Variants in FRMPD3 observed in about 807,000 individuals in gnomAD.
FRMPD3 encodes FERM and PDZ domain-containing protein 3.
In FRMPD3, 42 loss-of-function variants were observed where a neutral mutation model predicts 97.9. The observed-to-expected ratio is 0.43, with a 90% CI of 0.34 to 0.55. The LOEUF is 0.55. Ranked by LOEUF, FRMPD3 falls within the 20% of genes least tolerant of loss-of-function variation. The probability of loss-of-function intolerance (pLI) is 0.03; values close to 1 mark genes in which losing one functional copy is unlikely to be tolerated. For missense variants in FRMPD3, 1,303 were observed against 1,457.7 expected (o/e 0.89, Z 1.73); for synonymous variants, 577 against 581.1 (o/e 0.99, Z 0.10).
At chrX:107,579,574 C>T (rs1923285081) in intron 13 of FRMPD3, among the ~76,000 whole-genome samples, 1 of 111,993 alleles carries the variant, frequency 8.9e-6, no homozygotes, top group Non-Finnish European at 1.9e-5. Context: ...AGGCTAATAA[C>T]GTAAGTACTT....
intron 1 of FRMPD3, among the ~76,000 whole-genome samples, chrX:107,500,927 G>A (rs1921890665): frequency 9.0e-6 from 1 of 110,875 alleles, no homozygotes; most frequent in Non-Finnish European, 1.9e-5. Flanking sequence ...CTATTAGGAT[G>A]ATTATTATTC....
At chrX:107,577,162 TAAAAAAAAAAAAA>T (rs1170985688) in intron 13 of FRMPD3, among the ~76,000 whole-genome samples, 4 of 32,071 alleles carry the variant, frequency 1.2e-4, no homozygotes, top group African/African-American at 1.9e-4. Context: ...CTGTCTCTAC[TAAAAAAAAAAAAA>T]AAAAAAAAAA....
intron 4 of FRMPD3, among the ~76,000 whole-genome samples, chrX:107,539,993 A>G (rs189700755): frequency 1.2e-4 from 13 of 112,110 alleles, no homozygotes; most frequent in Non-Finnish European, 2.3e-4. Flanking sequence ...AAGGATGGGG[A>G]CAGGGAGGAA....
chrX:107,453,152 C>T (rs1931319517), intron 1 of FRMPD3, among the ~76,000 whole-genome samples: 1 of 111,383 alleles, frequency 9.0e-6, no homozygotes, highest in African/African-American at 3.3e-5. Context: ...GTTTTTGTGG[C>T]ACCTCCAGGC....
rs769320212 is a variant in FRMPD3, at chrX:107,485,281, G to A, written c.-8+35276G>A. 4.5e-5 allele frequency among the ~76,000 whole-genome samples: 5 copies of A among 112,337 alleles called. No homozygotes were observed. The East Asian group carries it at 1.1e-3, about 25-fold the overall frequency. On this transcript the variant is annotated intron_variant, in intron 1 of 14. Transcript: ENST00000683843. ...TTCCTCAGGAAACTGATTTAGGACT[G>A]GGCGAGTCTTTGCAGGGACTGCAAA...
At chrX:107,467,373 A>G (rs1931590841) in intron 1 of FRMPD3, among the ~76,000 whole-genome samples, 1 of 111,074 alleles carries the variant, frequency 9.0e-6, no homozygotes, top group Non-Finnish European at 1.9e-5. Flanking sequence ...ACCTCCCCCC[A>G]CTGACCACGT....
rs1924429357 is a variant in FRMPD3, at chrX:107,600,284, C to T, written c.2264-19C>T. On this transcript the variant is annotated intron_variant, in intron 14 of 14. Transcript: ENST00000683843. ...CTTGATTTCAGTAAGCATAACAAGC[C>T]CTATCCCTGTTCCTCCAGGTCTGAT... 4 of 1,190,097 alleles carry T rather than the reference C, an allele frequency of 3.4e-6. No individual in the cohort carries two copies. The highest frequency in any genetic ancestry group is 4.5e-6 in the Non-Finnish European group (4 of 883,522).
At chrX:107,496,867 G>A (rs751712765) in intron 1 of FRMPD3, among the ~76,000 whole-genome samples, 4 of 112,529 alleles carry the variant, frequency 3.6e-5, no homozygotes, top group South Asian at 3.7e-4. Context: ...TTGCCAGTGG[G>A]CAAGAATGAT....
intron 4 of FRMPD3, among the ~76,000 whole-genome samples, chrX:107,540,039 C>T (rs1921220254): frequency 8.9e-6 from 1 of 111,985 alleles, no homozygotes; most frequent in African/African-American, 3.2e-5. Context: ...ATAACAAGCC[C>T]AGTGTGTGCA....
At chrX:107,453,770 C>T (rs1039407283) in intron 1 of FRMPD3, among the ~76,000 whole-genome samples, 1 of 111,606 alleles carries the variant, frequency 9.0e-6, no homozygotes, top group African/African-American at 3.3e-5. Flanking sequence ...TATTATTTCC[C>T]ACCCATGACA....
chrX:107,574,492 C>T (rs147601070), intron 12 of FRMPD3, among the ~76,000 whole-genome samples: 3,149 of 111,990 alleles, frequency 0.028, 102 homozygotes, highest in African/African-American at 0.098. Flanking sequence ...GCCCACAGTG[C>T]CTAAAATATT....
rs1931238258 is a variant in FRMPD3 at position 107,449,720 on chromosome X, C to T, written c.-293C>T. On this transcript the variant is annotated 5_prime_UTR_variant, in exon 1 of 15. Transcript: ENST00000683843. Reference sequence around the variant, plus strand: ...CCGCCCGCGGCGCAGCCATGAAGCCCGCCCGAGGAGCCCGCGCGCGCTCCT... The same window carrying T: ...CCGCCCGCGGCGCAGCCATGAAGCCTGCCCGAGGAGCCCGCGCGCGCTCCT... Among the ~76,000 whole-genome samples the T allele has an allele frequency of 9.1e-6, 1 of 109,696 alleles. No homozygotes were observed. The highest frequency in any genetic ancestry group is 3.3e-5 in the African/African-American group (1 of 30,352).
intron 1 of FRMPD3, among the ~76,000 whole-genome samples, chrX:107,480,825 A>C (rs1269466795): frequency 1.2e-5 from 1 of 84,778 alleles, no homozygotes. Flanking sequence ...AAACTCCGTC[A>C]AAAAAAAAAA....
chrX:107,473,142 G>A (rs1602753216), intron 1 of FRMPD3, among the ~76,000 whole-genome samples: 2 of 112,552 alleles, frequency 1.8e-5, no homozygotes, highest in South Asian at 7.4e-4. Context: ...GCTCAGAGAG[G>A]TGTAGTGACT....
At chrX:107,566,659 A>G (rs1413932594) in intron 12 of FRMPD3, among the ~76,000 whole-genome samples, 1 of 113,370 alleles carries the variant, frequency 8.8e-6, no homozygotes, top group Non-Finnish European at 1.9e-5. Flanking sequence ...GTGCTTTAAG[A>G]AAAAAACAGA....
Position 107,604,410 on chromosome X carries a change from T to C in FRMPD3, c.*1037T>C, listed in dbSNP as rs1264100008. ...TGGCTGTGTATTGACCCTGTGGATTTGTCTCTCTAAGAAAAGAAGCTGAGC... is the reference window on the plus strand; with the variant it reads ...TGGCTGTGTATTGACCCTGTGGATTCGTCTCTCTAAGAAAAGAAGCTGAGC... On this transcript the variant is annotated 3_prime_UTR_variant, in exon 15 of 15. Coordinates refer to ENST00000683843, the MANE Select transcript of FRMPD3 (RefSeq NM_001388459.1). 1.8e-5 allele frequency: 2 copies of C among 110,297 alleles called. No homozygotes were observed. The highest frequency in any genetic ancestry group is 6.6e-5 in the African/African-American group (2 of 30,237). 9.1% of individuals were successfully genotyped at this position (110,297 alleles called of 1,213,427 possible).
rs375806865 is a variant in FRMPD3 at position 107,602,179 on chromosome X, C to T, written c.4140C>T (p.Gly1380=). The part of the protein sequence containing the change: ...VSCLTTCASG[G]ECLGAPNYRK... ...GCCTGACCACGTGTGCCTCGGGGGG[C>T]GAGTGTCTGGGAGCTCCCAATTACA... Residue 1380 remains glycine, a synonymous_variant, in exon 15 of 15, where the codon GGC becomes GGT. Transcript: ENST00000683843. 9.4e-5 allele frequency: 114 copies of T among 1,209,104 alleles called. No homozygotes were observed. The highest frequency in any genetic ancestry group is 2.3e-4 in the Middle Eastern group (1 of 4,376).
At chrX:107,567,389 A>T (rs1922651179) in intron 12 of FRMPD3, among the ~76,000 whole-genome samples, 1 of 112,354 alleles carries the variant, frequency 8.9e-6, no homozygotes, top group African/African-American at 3.2e-5. Flanking sequence ...TTCAAAAGCA[A>T]AACATCAGTA....
chrX:107,466,487 C>A (rs914040668), intron 1 of FRMPD3, among the ~76,000 whole-genome samples: 1 of 112,446 alleles, frequency 8.9e-6, no homozygotes, highest in African/African-American at 3.2e-5. Flanking sequence ...TCCTCTTTCA[C>A]TCCCTGTCCT....
Sources: allele counts gnomAD v4.1 joint callset (sites outside exome capture counted in the v4.1 genomes callset), GRCh38; gene constraint gnomAD v4.1.1; transcripts MANE v1.5; gene names NCBI Gene and HGNC (gene_info 2026-07-23, HGNC 2026-07-21).